Variants in ZZZ3 observed in about 807,000 individuals in gnomAD.
ZZZ3 encodes the protein ZZ-type zinc finger-containing protein 3.
A neutral mutation model predicts 95.2 loss-of-function variants in ZZZ3; 22 were observed. The observed-to-expected ratio is 0.23, with a 90% CI of 0.17 to 0.33. ZZZ3 has a LOEUF of 0.33. ZZZ3 is among the 10% of genes least tolerant of loss of function. The probability of loss-of-function intolerance (pLI) is 1.00; values close to 1 mark genes in which losing one functional copy is unlikely to be tolerated. For missense variants in ZZZ3, 885 were observed against 1,066.5 expected (o/e 0.83, Z 2.37); for synonymous variants, 335 against 358.9 (o/e 0.93, Z 0.75).
At chr1:77,566,590 A>G (rs1198019183) in intron 13 of ZZZ3, among the ~76,000 whole-genome samples, 2 of 152,228 alleles carry the variant, frequency 1.3e-5, no homozygotes, top group Admixed American at 6.5e-5. Context: ...ATACTGGTTA[A>G]GGAAGCAATG....
chr1:77,665,954 T>C (rs572062289), intron 1 of ZZZ3, among the ~76,000 whole-genome samples: 7 of 152,256 alleles, frequency 4.6e-5, no homozygotes, highest in African/African-American at 1.7e-4. Context: ...GGCAGGAGAA[T>C]CGCTTGAACC....
intron 1 of ZZZ3, among the ~76,000 whole-genome samples, chr1:77,663,713 T>C (rs1225022836): frequency 6.6e-6 from 1 of 152,140 alleles, no homozygotes; most frequent in Non-Finnish European, 1.5e-5. Flanking sequence ...TGAGACTATA[T>C]AAAACTAAAC....
rs115587436 is a variant in ZZZ3 at position 77,676,607 on chromosome 1, T to C, written c.-403+5978A>G. Among the ~76,000 whole-genome samples the C allele has an allele frequency of 4.6e-3, 699 of 152,364 alleles. 7 individuals are homozygous for C. Among genetic ancestry groups the C allele is most frequent in the African/African-American group, 0.016 (669 of 41,590 alleles). On this transcript the variant is annotated intron_variant, in intron 1 of 14. Coordinates refer to ENST00000370801, the MANE Select transcript of ZZZ3 (RefSeq NM_015534.6). ...GAAAAGGAATTATAAAACATTGTTT[T>C]GTTAAAAAATAAACTTTATTATCCT...
chr1:77,568,471 CAA>C lies in ZZZ3; in HGVS notation c.2332-7_2332-6del, dbSNP rs10581619. On this transcript the variant is annotated splice_region_variant and splice_polypyrimidine_tract_variant and intron_variant, in intron 12 of 14. Coordinates refer to ENST00000370801, the MANE Select transcript of ZZZ3 (RefSeq NM_015534.6). Reference sequence around the variant, plus strand: ...GATAGGAATACTTTCGTCATCCTATCAAAAAAAAAAAAAAAAAAAAATGTTGG... The same window carrying C: ...GATAGGAATACTTTCGTCATCCTATCAAAAAAAAAAAAAAAAAAATGTTGG... 0.36 allele frequency: 208,323 copies of C among 582,576 alleles called. 12,818 individuals are homozygous for C. The highest frequency in any genetic ancestry group is 0.5 in the Admixed American group (8,303 of 16,550). 36.1% of individuals were successfully genotyped at this position (582,576 alleles called of 1,614,324 possible).
chr1:77,630,464 C>T (rs1246483451), intron 5 of ZZZ3, among the ~76,000 whole-genome samples: 3 of 151,820 alleles, frequency 2.0e-5, no homozygotes, highest in Admixed American at 6.6e-5. Flanking sequence ...GCAACAAGTG[C>T]GATGCTGTCT....
chr1:77,656,005 C>G (rs1004199197), intron 1 of ZZZ3, among the ~76,000 whole-genome samples: 2 of 152,204 alleles, frequency 1.3e-5, no homozygotes, highest in Non-Finnish European at 2.9e-5. Context: ...AATCTCAGCT[C>G]TGGACAGCCA....
intron 1 of ZZZ3, among the ~76,000 whole-genome samples, chr1:77,643,534 T>C (rs1668973481): frequency 6.6e-6 from 1 of 152,248 alleles, no homozygotes; most frequent in Non-Finnish European, 1.5e-5. Flanking sequence ...ATTTATTCCC[T>C]TGGAACAGAG....
intron 5 of ZZZ3, among the ~76,000 whole-genome samples, chr1:77,587,791 C>T (rs1431167549): frequency 6.6e-6 from 1 of 152,186 alleles, no homozygotes; most frequent in Non-Finnish European, 1.5e-5. Context: ...TTTCTTCTAC[C>T]TCTGACATCT....
chr1:77,624,368 C>G (rs1342177397), intron 5 of ZZZ3, among the ~76,000 whole-genome samples: 1 of 152,146 alleles, frequency 6.6e-6, no homozygotes, highest in Non-Finnish European at 1.5e-5. Context: ...TTACAAAGAG[C>G]AAGCCATCAT....
chr1:77,671,061 A>G (rs905376802), intron 1 of ZZZ3, among the ~76,000 whole-genome samples: 1 of 151,766 alleles, frequency 6.6e-6, no homozygotes, highest in African/African-American at 2.4e-5. Flanking sequence ...CTGTGAGGAC[A>G]TCTGCCAGCA....
chr1:77,634,042 C>T (rs747871505), intron 4 of ZZZ3, among the ~76,000 whole-genome samples: 16 of 151,910 alleles, frequency 1.1e-4, no homozygotes, highest in South Asian at 2.1e-4. Context: ...TGGTGGCACA[C>T]GCCTGTAATC....
intron 5 of ZZZ3, among the ~76,000 whole-genome samples, chr1:77,626,629 T>C (rs1023785235): frequency 3.3e-5 from 5 of 152,182 alleles, no homozygotes; most frequent in Non-Finnish European, 7.3e-5. Context: ...GGCCATGGAC[T>C]GGTTGGGGAC....
intron 12 of ZZZ3, among the ~76,000 whole-genome samples, chr1:77,574,662 T>C (rs1315555661): frequency 1.3e-5 from 2 of 152,114 alleles, no homozygotes; most frequent in Non-Finnish European, 2.9e-5. Flanking sequence ...AAAATGGGTA[T>C]TAAGCTATTA....
At chr1:77,643,614 A>G (rs763390513) in intron 1 of ZZZ3, among the ~76,000 whole-genome samples, 10 of 152,148 alleles carry the variant, frequency 6.6e-5, no homozygotes, top group Non-Finnish European at 1.0e-4. Context: ...CCCAAAACCA[A>G]TCTTCACTGA....
chr1:77,653,547 A>G (rs1466518852), intron 1 of ZZZ3, among the ~76,000 whole-genome samples: 1 of 151,720 alleles, frequency 6.6e-6, no homozygotes, highest in Non-Finnish European at 1.5e-5. Flanking sequence ...TGAGGTCGGG[A>G]GTTCAAGACC....
intron 5 of ZZZ3, 167 bp from the exon 6 acceptor site, chr1:77,584,822 C>T: frequency 4.7e-6 from 2 of 423,568 alleles, no homozygotes; most frequent in East Asian, 3.6e-5. Context: ...TCCTGAGTTA[C>T]GAAGTACCTA....
At chr1:77,620,484 TGGAAGGAAGGAA>T (rs67469701) in intron 5 of ZZZ3, among the ~76,000 whole-genome samples, 16,365 of 135,732 alleles carry the variant, frequency 0.12, 1,609 homozygotes, top group African/African-American at 0.27. Context: ...AACGAAAGAA[TGGAAGGAAGGAA>T]GGAAGGAAGG....
intron 1 of ZZZ3, among the ~76,000 whole-genome samples, chr1:77,646,735 T>C (rs530215803): frequency 1.3e-5 from 2 of 152,160 alleles, no homozygotes; most frequent in African/African-American, 2.4e-5. Context: ...CACAGGACAG[T>C]GATCAATGAA....
chr1:77,606,931 C>A (rs1665294287), intron 5 of ZZZ3, among the ~76,000 whole-genome samples: 1 of 152,124 alleles, frequency 6.6e-6, no homozygotes, highest in Admixed American at 6.6e-5. Flanking sequence ...TAGTAGATGT[C>A]CAAGCATCTA....
Sources: allele counts gnomAD v4.1 joint callset (sites outside exome capture counted in the v4.1 genomes callset), GRCh38; gene constraint gnomAD v4.1.1; transcripts MANE v1.5; gene names NCBI Gene and HGNC (gene_info 2026-07-23, HGNC 2026-07-21).